Variants in CALN1 observed in about 807,000 individuals in gnomAD.
CALN1 encodes calneuron 1, also known as calcium-binding protein 8.
A neutral mutation model predicts 30.6 loss-of-function variants in CALN1; 17 were observed. That is an observed-to-expected ratio of 0.56 (90% confidence interval 0.38 to 0.83). CALN1 has a LOEUF of 0.83. Among genes scored for constraint, CALN1 ranks in the 40% least tolerant of loss-of-function variants. CALN1 has a pLI of 0.00. For missense variants in CALN1, 291 were observed against 354.9 expected, an observed-to-expected ratio of 0.82 and a Z score of 1.45; for synonymous variants, 156 against 131.4, an observed-to-expected ratio of 1.19 and a Z score of -1.28.
chr7:72,100,442 G>A (rs1050039413), intron 4 of CALN1, among the ~76,000 whole-genome samples: 6 of 151,918 alleles, frequency 3.9e-5, no homozygotes, highest in South Asian at 4.2e-4. Context: ...TTGGCCTCCC[G>A]AAGTGCTGGG....
Position 72,364,115 on chromosome 7 carries a change from A to G in CALN1, c.119+39136T>C, listed in dbSNP as rs77174568. On this transcript the variant is annotated intron_variant, in intron 2 of 6. Coordinates refer to ENST00000395275, the MANE Select transcript of CALN1 (RefSeq NM_031468.4). ...TGGAGAAAATTTGAAAACTCTTCTA[A>G]GGGACACGAAAAGACACTTGAACAA... Among the ~76,000 whole-genome samples the G allele has an allele frequency of 3.3e-5, 5 of 152,326 alleles. No individual in the cohort carries two copies. In the East Asian group the frequency reaches 5.8e-4, roughly 18 times the overall value.
intron 3 of CALN1, among the ~76,000 whole-genome samples, chr7:72,127,726 T>C (rs1808865346): frequency 6.6e-6 from 1 of 152,134 alleles, no homozygotes; most frequent in Admixed American, 6.5e-5. Flanking sequence ...CCTGGTATGG[T>C]GTAGGGTGAT....
At chr7:72,373,025 G>A (rs1354396360) in intron 2 of CALN1, among the ~76,000 whole-genome samples, 1 of 152,026 alleles carries the variant, frequency 6.6e-6, no homozygotes, top group Non-Finnish European at 1.5e-5. Flanking sequence ...GAAAAGAACA[G>A]GAAAACAGAA....
intron 4 of CALN1, among the ~76,000 whole-genome samples, chr7:72,088,784 G>GGGAATGAAGGAA (rs1805660148): frequency 6.7e-6 from 1 of 149,018 alleles, no homozygotes; most frequent in African/African-American, 2.5e-5. Flanking sequence ...AGAGAAGGAA[G>GGGAATGAAGGAA]GGAAGGAAGG....
intron 3 of CALN1, among the ~76,000 whole-genome samples, chr7:72,186,099 GCCATGAA>G (rs1336676655): frequency 3.3e-5 from 5 of 152,102 alleles, no homozygotes; most frequent in African/African-American, 1.2e-4. Context: ...GTGATGCATG[GCCATGAA>G]CCATGGAGTG....
chr7:72,065,681 C>G (rs537479023), intron 4 of CALN1, among the ~76,000 whole-genome samples: 5 of 152,050 alleles, frequency 3.3e-5, no homozygotes, highest in Non-Finnish European at 5.9e-5. Context: ...GTGTGGAAGT[C>G]AGGAGTTCAA....
At chr7:72,289,577 A>G (rs1798331662) in intron 2 of CALN1, among the ~76,000 whole-genome samples, 1 of 152,166 alleles carries the variant, frequency 6.6e-6, no homozygotes, top group African/African-American at 2.4e-5. Flanking sequence ...CAAGCTCCCA[A>G]CATGGTACCA....
At chr7:72,411,952 G>T (rs554387825) in intron 1 of CALN1, 106 bp downstream of exon 1, 1 of 152,122 alleles carries the variant, frequency 6.6e-6, no homozygotes, top group Admixed American at 6.5e-5. Context: ...ACCATAATCC[G>T]GAACTTGTCT....
intron 1 of CALN1, among the ~76,000 whole-genome samples, chr7:72,426,599 A>C (rs1807804666): frequency 6.6e-6 from 1 of 152,186 alleles, no homozygotes; most frequent in African/African-American, 2.4e-5. Flanking sequence ...TCTTTAAACC[A>C]GTGTGAAAAT....
In CALN1 at chr7:71,924,610, G is replaced by C. The variant is rs75919211; in HGVS notation, c.501+99047C>G. Among the ~76,000 whole-genome samples, 1,148 of 152,000 alleles carry C rather than the reference G, an allele frequency of 7.6e-3. 15 individuals carry two copies. Among genetic ancestry groups the C allele is most frequent in the African/African-American group, 0.026 (1,072 of 41,478 alleles). On this transcript the variant is annotated intron_variant, in intron 5 of 6. Coordinates refer to ENST00000395275, the MANE Select transcript of CALN1 (RefSeq NM_031468.4). ...GTTCCTAATTCCTTGTTTTTAAATA[G>C]CTGTACCTTAATCTGTTTTTCTCTG...
At chr7:72,034,954 C>CT (rs1326656156) in intron 4 of CALN1, among the ~76,000 whole-genome samples, 1 of 151,866 alleles carries the variant, frequency 6.6e-6, no homozygotes, top group Non-Finnish European at 1.5e-5. Context: ...AATATATAGT[C>CT]TGATTTCTCT....
In CALN1 at chr7:72,314,370, T is replaced by TAC. The variant is rs1256939080; in HGVS notation, c.120-35561_120-35560insGT. On this transcript the variant is annotated intron_variant, in intron 2 of 6. Coordinates refer to ENST00000395275, the MANE Select transcript of CALN1 (RefSeq NM_031468.4). Reference sequence around the variant, plus strand: ...ATATACATATATATACATATACATATATACACATATATACACATATATATA... The same window carrying TAC: ...ATATACATATATATACATATACATATACATACACATATATACACATATATATA... Among the ~76,000 whole-genome samples the TAC allele has an allele frequency of 1.6e-3, 108 of 67,908 alleles. 1 individual carries two copies. The highest frequency in any genetic ancestry group is 3.4e-3 in the African/African-American group (102 of 29,972). The allele number at this position is 67,908 out of a possible 152,430, so 44.6% of individuals were successfully genotyped here.
intron 5 of CALN1, among the ~76,000 whole-genome samples, chr7:71,932,877 T>C (rs538045789): frequency 6.6e-6 from 1 of 152,066 alleles, no homozygotes; most frequent in South Asian, 2.1e-4. Context: ...AAGATTTTTA[T>C]TCTGATACGC....
chr7:72,285,004 C>T (rs1468363820), intron 2 of CALN1, among the ~76,000 whole-genome samples: 2 of 151,972 alleles, frequency 1.3e-5, no homozygotes, highest in Non-Finnish European at 2.9e-5. Context: ...CTGAGCAAAG[C>T]CCTGTGTGTT....
At chr7:71,801,752 G>GGGCA (rs1787327712) in intron 6 of CALN1, among the ~76,000 whole-genome samples, 1 of 152,002 alleles carries the variant, frequency 6.6e-6, no homozygotes, top group Non-Finnish European at 1.5e-5. Context: ...TGAGGTGGGT[G>GGGCA]GATCACCTGA....
In CALN1 at chr7:72,004,797, G is replaced by GCAAAA. The variant is rs982010889; in HGVS notation, c.501+18855_501+18859dup. Among the ~76,000 whole-genome samples, 18 of 152,056 alleles carry GCAAAA rather than the reference G, an allele frequency of 1.2e-4. 1 individual carries two copies. Among genetic ancestry groups the GCAAAA allele is most frequent in the Middle Eastern group, 3.4e-3 (1 of 294 alleles). On this transcript the variant is annotated intron_variant, in intron 5 of 6. Coordinates refer to ENST00000395275, the MANE Select transcript of CALN1 (RefSeq NM_031468.4). ...TATAAAGACTTCTCAAAACTCAAGAGCAAAACAAAACAAAACACAAAAACA... is the reference window on the plus strand; with the variant it reads ...TATAAAGACTTCTCAAAACTCAAGAGCAAAACAAAACAAAACAAAACACAAAAACA...
intron 4 of CALN1, among the ~76,000 whole-genome samples, chr7:72,088,569 C>T (rs563539929): frequency 7.2e-5 from 11 of 151,804 alleles, no homozygotes; most frequent in African/African-American, 1.9e-4. Flanking sequence ...CATGGTGACG[C>T]GTGCCTGTAA....
At chr7:72,047,878 A>C (rs1319260837) in intron 4 of CALN1, among the ~76,000 whole-genome samples, 1 of 152,124 alleles carries the variant, frequency 6.6e-6, no homozygotes. Flanking sequence ...TGTGTGTTAA[A>C]AACGGGAAAG....
intron 5 of CALN1, among the ~76,000 whole-genome samples, chr7:71,830,774 C>CACAGGGAA (rs1295270949): frequency 6.6e-6 from 1 of 152,130 alleles, no homozygotes; most frequent in Non-Finnish European, 1.5e-5. Flanking sequence ...CCTTAGCTTC[C>CACAGGGAA]CTGTGAAAAA....
Sources: allele counts gnomAD v4.1 joint callset (sites outside exome capture counted in the v4.1 genomes callset), GRCh38; gene constraint gnomAD v4.1.1; transcripts MANE v1.5; gene names NCBI Gene and HGNC (gene_info 2026-07-23, HGNC 2026-07-21).